FBLN1: variants seen among roughly 807,000 people sequenced by gnomAD.
FBLN1 encodes the protein fibulin-1.
In FBLN1, 34 loss-of-function variants were observed where a neutral mutation model predicts 89.7. The ratio of observed to expected loss-of-function variants is 0.38; its 90% CI spans 0.29 to 0.50. FBLN1 has a LOEUF of 0.50. Among genes scored for constraint, FBLN1 ranks in the 20% least tolerant of loss-of-function variants. The probability of loss-of-function intolerance (pLI) is 0.92; values close to 1 mark genes in which losing one functional copy is unlikely to be tolerated. For missense variants in FBLN1, 777 were observed against 988.1 expected (o/e 0.79, Z 2.86); for synonymous variants, 393 against 391.3 (o/e 1.00, Z -0.05).
chr22:45,578,211 C>T lies in FBLN1; in HGVS notation c.1972+1103C>T, dbSNP rs572005280. 2.0e-5 allele frequency: 3 copies of T among 152,346 alleles called. No individual in the cohort carries two copies. The highest frequency in any genetic ancestry group is 2.0e-4 in the Admixed American group (3 of 15,304). The allele number at this position is 152,346 out of a possible 1,614,324, so 9.4% of individuals were successfully genotyped here. A position where few individuals can be genotyped will look rare whatever the true frequency, so the allele number is the denominator to read the frequency against. ...GTGGCGCTGTTGGACCTTGGACGCTCAGTCTTTGCGCCTCAAACCCGACGG... is the reference window on the plus strand; with the variant it reads ...GTGGCGCTGTTGGACCTTGGACGCTTAGTCTTTGCGCCTCAAACCCGACGG... On this transcript the variant is annotated intron_variant, in intron 16 of 16. Transcript: ENST00000327858. This position sits in a 1 kb window ranked among gnomAD's most constrained non-coding sequence, Gnocchi z 4.6.
rs2088869688 is a variant in FBLN1 at position 45,563,156 on chromosome 22, G to A, written c.1698-11355G>A. 6.2e-7 allele frequency: 1 copy of A among 1,613,606 alleles called. No individual in the cohort carries two copies. Among genetic ancestry groups the A allele is most frequent in the African/African-American group, 1.3e-5 (1 of 75,018 alleles). ...TGGGGTGGTGGCCCTCACCAAGCCT[G>A]TCCCCGAGCCCAGGGACTTGCTCCT... On this transcript the variant is annotated intron_variant, in intron 14 of 16. Coordinates refer to ENST00000327858, the MANE Select transcript of FBLN1 (RefSeq NM_006486.3). The surrounding 1 kb of genome is among the most constrained non-coding windows in gnomAD (Gnocchi z 5.7).
rs1007632725 is a variant in FBLN1, at chr22:45,580,869, G to A, written c.1972+3761G>A. Reference sequence around the variant, plus strand: ...CCTCTAATGTAGCCTTGAAAGACCCGTTCTTAGCGGGGATCGAGGAGCCCG... The same window carrying A: ...CCTCTAATGTAGCCTTGAAAGACCCATTCTTAGCGGGGATCGAGGAGCCCG... On this transcript the variant is annotated intron_variant, in intron 16 of 16. Coordinates refer to ENST00000327858, the MANE Select transcript of FBLN1 (RefSeq NM_006486.3). The surrounding 1 kb of genome is among the most constrained non-coding windows in gnomAD (Gnocchi z 8.6). Among the ~76,000 whole-genome samples, 8 of 152,216 alleles carry A rather than the reference G, an allele frequency of 5.3e-5. No individual in the cohort carries two copies. Among genetic ancestry groups the A allele is most frequent in the Admixed American group, 2.6e-4 (4 of 15,288 alleles).
intron 1 of FBLN1, among the ~76,000 whole-genome samples, chr22:45,515,482 A>T (rs1331492650): frequency 1.3e-5 from 2 of 151,816 alleles, no homozygotes; most frequent in Non-Finnish European, 2.9e-5. Context: ...CAGTACCCAG[A>T]CTCCCCAGCA....
At chr22:45,552,574 AAG>A (rs1369266427) in intron 14 of FBLN1, among the ~76,000 whole-genome samples, 2 of 152,228 alleles carry the variant, frequency 1.3e-5, no homozygotes, top group African/African-American at 4.8e-5. Flanking sequence ...TAAAATCTAA[AAG>A]AGCCATATTT....
chr22:45,560,291 T>C (rs2088835993), intron 14 of FBLN1, among the ~76,000 whole-genome samples: 1 of 152,220 alleles, frequency 6.6e-6, no homozygotes, highest in African/African-American at 2.4e-5. Flanking sequence ...AGATCTGACA[T>C]ACCAAGACGA....
chr22:45,548,208 CCTGA>C (rs1287096325), intron 12 of FBLN1, among the ~76,000 whole-genome samples: 1 of 152,102 alleles, frequency 6.6e-6, no homozygotes, highest in Non-Finnish European at 1.5e-5. Context: ...CACCAGTATG[CCTGA>C]CTAACTTTTT....
At chr22:45,534,003 T>A in intron 7 of FBLN1, 105 bp downstream of exon 7, 1 of 1,499,122 alleles carries the variant, frequency 6.7e-7, no homozygotes, top group Non-Finnish European at 9.2e-7. Flanking sequence ...CTGCGCCCTC[T>A]GTGGCTGCCT....
chr22:45,585,662 T>C (rs1336902881), intron 16 of FBLN1, among the ~76,000 whole-genome samples: 1 of 152,154 alleles, frequency 6.6e-6, no homozygotes, highest in African/African-American at 2.4e-5. Context: ...GGGCCCGGCC[T>C]CCTCTGGGCT....
At chr22:45,510,605 G>T (rs538553283) in intron 1 of FBLN1, among the ~76,000 whole-genome samples, 2 of 152,212 alleles carry the variant, frequency 1.3e-5, no homozygotes, top group South Asian at 4.2e-4. Flanking sequence ...ATTGCCCAAA[G>T]CTTCTGCGAT....
Position 45,508,810 on chromosome 22 carries a change from C to T in FBLN1, c.79+5746C>T, listed in dbSNP as rs5765436. Among the ~76,000 whole-genome samples, 981 of 152,292 alleles carry T rather than the reference C, an allele frequency of 6.4e-3. 11 individuals are homozygous for T. The highest frequency in any genetic ancestry group is 0.014 in the Middle Eastern group (4 of 294). ...TCATTCACGGACATTTATTGAATGACTGCTTAGGGCAGGCATGGGGGCAGG... is the reference window on the plus strand; with the variant it reads ...TCATTCACGGACATTTATTGAATGATTGCTTAGGGCAGGCATGGGGGCAGG... On this transcript the variant is annotated intron_variant, in intron 1 of 16. Transcript: ENST00000327858.
At chr22:45,524,757 C>T (rs2146958348) in intron 2 of FBLN1, among the ~76,000 whole-genome samples, 1 of 152,264 alleles carries the variant, frequency 6.6e-6, no homozygotes, top group South Asian at 2.1e-4. Context: ...CTGGCTCTGA[C>T]TCCAGACACC....
rs1423556921 is a variant in FBLN1, at chr22:45,579,401, C to T, written c.1972+2293C>T. 6.6e-6 allele frequency among the ~76,000 whole-genome samples: 1 copy of T among 152,266 alleles called. No individual in the cohort carries two copies. The highest frequency in any genetic ancestry group is 1.5e-5 in the Non-Finnish European group (1 of 68,048). On this transcript the variant is annotated intron_variant, in intron 16 of 16. Coordinates refer to ENST00000327858, the MANE Select transcript of FBLN1 (RefSeq NM_006486.3). The surrounding 1 kb of genome is among the most constrained non-coding windows in gnomAD (Gnocchi z 5.5). ...GGGTATGAGAGATGATCACAGGTGC[C>T]GTCCCGGCAGCGGGCTTCTGGGAAC...
intron 1 of FBLN1, among the ~76,000 whole-genome samples, chr22:45,514,306 A>G (rs2088140747): frequency 6.6e-6 from 1 of 152,090 alleles, no homozygotes; most frequent in Admixed American, 6.6e-5. Context: ...CACATCTTTA[A>G]CCTGCTGCAG....
rs1241149386 is a variant in FBLN1 at position 45,563,445 on chromosome 22, G to A, written c.1698-11066G>A. ...GGGGGTGAGCTGGGCACTGGCCACC[G>A]CCTGGTACCCCCGAGGGCTGACTGA... is the stretch of plus-strand genomic sequence containing the variant. On this transcript the variant is annotated intron_variant, in intron 14 of 16. Coordinates refer to ENST00000327858, the MANE Select transcript of FBLN1 (RefSeq NM_006486.3). This position sits in a 1 kb window ranked among gnomAD's most constrained non-coding sequence, Gnocchi z 5.7. 9 of 1,375,136 alleles carry A rather than the reference G, an allele frequency of 6.5e-6. No individual in the cohort carries two copies. The highest frequency in any genetic ancestry group is 5.8e-5 in the African/African-American group (4 of 69,348). 85.2% of individuals were successfully genotyped at this position (1,375,136 alleles called of 1,614,324 possible).
At position 45,556,749 on chromosome 22, in the gene FBLN1, A is replaced by G. The variant is rs1242993913; in HGVS notation, c.1697+6134A>G. The stretch of plus-strand genomic sequence containing the variant: ...AGGAGCTTCAAGTGTCCAGGTGGCA[A>G]TCTTAATTTCCAGTTTAATGGAATC... On this transcript the variant is annotated intron_variant, in intron 14 of 16. Transcript: ENST00000327858. This position sits in a 1 kb window ranked among gnomAD's most constrained non-coding sequence, Gnocchi z 4.6. Among the ~76,000 whole-genome samples, 2 of 152,110 alleles carry G rather than the reference A, an allele frequency of 1.3e-5. No individual in the cohort carries two copies. The highest frequency in any genetic ancestry group is 1.9e-4 in the East Asian group (1 of 5,194).
rs1440868694 is a variant in FBLN1 at position 45,600,477 on chromosome 22, C to T, written c.*31C>T. 5 of 1,613,814 alleles carry T rather than the reference C, an allele frequency of 3.1e-6. No individual in the cohort carries two copies. Among genetic ancestry groups the T allele is most frequent in the Admixed American group, 1.7e-5 (1 of 60,006 alleles). On this transcript the variant is annotated 3_prime_UTR_variant, in exon 17 of 17. Coordinates refer to ENST00000327858, the MANE Select transcript of FBLN1 (RefSeq NM_006486.3). Reference sequence around the variant, plus strand: ...GGTCTGCCGCACAGCCGCAGGTGCACCTCCAGGCCAAATCATTGCTGCCAG... The same window carrying T: ...GGTCTGCCGCACAGCCGCAGGTGCATCTCCAGGCCAAATCATTGCTGCCAG...
At chr22:45,570,365 A>AAAG (rs2088942809) in intron 14 of FBLN1, among the ~76,000 whole-genome samples, 1 of 130,950 alleles carries the variant, frequency 7.6e-6, no homozygotes, top group African/African-American at 2.9e-5. Context: ...GAAAAAAAAA[A>AAAG]GAAAAAGAAA....
chr22:45,594,789 G>A (rs1048465772), intron 16 of FBLN1, among the ~76,000 whole-genome samples: 3 of 151,818 alleles, frequency 2.0e-5, no homozygotes. Flanking sequence ...TGGGTTGATG[G>A]GTGGGTGAAT....
At chr22:45,567,009 C>A (rs774050734) in intron 14 of FBLN1, among the ~76,000 whole-genome samples, 1 of 152,214 alleles carries the variant, frequency 6.6e-6, no homozygotes, top group Non-Finnish European at 1.5e-5. Flanking sequence ...GTGCTAATAT[C>A]CCCATTCCAC....
Sources: allele counts gnomAD v4.1 joint callset (sites outside exome capture counted in the v4.1 genomes callset), GRCh38; gene constraint gnomAD v4.1.1; non-coding constraint Gnocchi (gnomAD v3.1); transcripts MANE v1.5; gene names NCBI Gene and HGNC (gene_info 2026-07-23, HGNC 2026-07-21).